AKAP12: variants seen among roughly 807,000 people sequenced by gnomAD.
AKAP12 encodes A-kinase anchor protein 12.
A neutral mutation model predicts 79.9 loss-of-function variants in AKAP12; 32 were observed. That is an observed-to-expected ratio of 0.40 (90% CI 0.30 to 0.54). The LOEUF (loss-of-function observed/expected upper bound fraction) is 0.54, where lower values mean the gene tolerates loss of function less well. Ranked by LOEUF, AKAP12 falls within the 20% of genes least tolerant of loss-of-function variation. The pLI is 0.48. For synonymous variants in AKAP12, 808 were observed against 857.0 expected (o/e 0.94, Z 1.00); for missense variants, 2,074 against 2,177.0 (o/e 0.95, Z 0.94).
At position 151,324,406 on chromosome 6, in the gene AKAP12, T is replaced by C. The variant is rs112122985; in HGVS notation, c.319+18503T>C. On this transcript the variant is annotated intron_variant, in intron 3 of 4. Coordinates refer to ENST00000402676, the MANE Select transcript of AKAP12 (RefSeq NM_005100.4). ...TTGCTCACTCTGGGCCCGAGTGTGG[T>C]GCATCGCGCCCCCTGGTGCCCAAAA... 6 of 985,350 alleles carry C rather than the reference T, an allele frequency of 6.1e-6. No individual in the cohort carries two copies. In the African/African-American group the frequency reaches 8.7e-5, roughly 14 times the overall value. The allele number at this position is 985,350 out of a possible 1,614,324, so 61.0% of individuals were successfully genotyped here.
In AKAP12 at chr6:151,353,161, T is replaced by C; in HGVS notation, c.4770T>C (p.Ala1590=). 1 of 1,614,142 alleles carries C rather than the reference T, an allele frequency of 6.2e-7. No homozygotes were observed. The highest frequency in any genetic ancestry group is 8.5e-7 in the Non-Finnish European group (1 of 1,180,034). Residue 1590 remains alanine, a synonymous_variant, in exon 4 of 5, where the codon GCT becomes GCC. Coordinates refer to ENST00000402676, the MANE Select transcript of AKAP12 (RefSeq NM_005100.4). The part of the protein sequence containing the change: ...AHVIKADSQD[A]GQETEKEGEE... ...TGATAAAAGCTGACAGCCAGGACGC[T>C]GGACAGGAAACGGAGAAAGAAGGAG...
chr6:151,240,555 G>A lies in AKAP12; in HGVS notation c.-8G>A, dbSNP rs1329887013. 8.3e-6 allele frequency: 12 copies of A among 1,442,350 alleles called. No individual in the cohort carries two copies. The Admixed American group carries it at 1.1e-4, about 13-fold the overall frequency. 89.3% of individuals were successfully genotyped at this position (1,442,350 alleles called of 1,614,324 possible). On this transcript the variant is annotated 5_prime_UTR_variant, in exon 2 of 5. Coordinates refer to ENST00000402676, the MANE Select transcript of AKAP12 (RefSeq NM_005100.4). ...GGCGGCTAGGCGCGGGAGAAGTGCG[G>A]AGGAGCCATGGGCGCCGGGAGCTCC...
At chr6:151,323,884 A>G in intron 3 of AKAP12, 2 of 985,384 alleles carry the variant, frequency 2.0e-6, no homozygotes, top group Non-Finnish European at 1.2e-6. Context: ...CTGAGAAATG[A>G]TGCAGAACCA....
At chr6:151,272,461 G>A (rs373106529) in intron 2 of AKAP12, among the ~76,000 whole-genome samples, 2 of 149,738 alleles carry the variant, frequency 1.3e-5, no homozygotes, top group Admixed American at 6.7e-5. Flanking sequence ...TCTGTTTTTC[G>A]TACTCCCTTT....
intron 2 of AKAP12, among the ~76,000 whole-genome samples, chr6:151,266,183 C>T (rs778886626): frequency 2.0e-5 from 3 of 152,212 alleles, no homozygotes; most frequent in South Asian, 2.1e-4. Flanking sequence ...GAAGTGAAGA[C>T]GGACATCTCA....
In AKAP12 at chr6:151,348,889, G is replaced by A. The variant is rs1459217814; in HGVS notation, c.498G>A (p.Gln166=). The A allele has an allele frequency of 4.3e-6, 7 of 1,613,978 alleles. No homozygotes were observed. Among genetic ancestry groups the A allele is most frequent in the African/African-American group, 2.7e-5 (2 of 74,904 alleles). Reference sequence around the variant, plus strand: ...AGCTAACACAACCCACTGAGTCCCAGGCTAATGATATTGGATTTAAGAAGG... The same window carrying A: ...AGCTAACACAACCCACTGAGTCCCAAGCTAATGATATTGGATTTAAGAAGG... ...LEELTQPTES[Q]ANDIGFKKVF... The change falls in exon 4 of 5, where the codon CAG becomes CAA. Residue 166 remains glutamine (Q), a synonymous_variant. Coordinates refer to ENST00000402676, the MANE Select transcript of AKAP12 (RefSeq NM_005100.4).
intron 2 of AKAP12, among the ~76,000 whole-genome samples, chr6:151,257,744 A>G (rs1191521124): frequency 6.6e-6 from 1 of 152,182 alleles, no homozygotes; most frequent in Admixed American, 6.5e-5. Context: ...CAACTTTTAA[A>G]TTTACAGTAT....
chr6:151,335,881 C>G (rs1325626825), intron 3 of AKAP12, among the ~76,000 whole-genome samples: 2 of 152,160 alleles, frequency 1.3e-5, no homozygotes, highest in Non-Finnish European at 2.9e-5. Context: ...GAGTGGTGAA[C>G]ATTGTACTCA....
At chr6:151,274,464 T>A (rs1776253836) in intron 2 of AKAP12, among the ~76,000 whole-genome samples, 1 of 152,068 alleles carries the variant, frequency 6.6e-6, no homozygotes. Flanking sequence ...GGTTTAAAAT[T>A]ATAGATCATG....
intron 3 of AKAP12, among the ~76,000 whole-genome samples, chr6:151,338,361 C>T (rs1777866763): frequency 6.6e-6 from 1 of 151,950 alleles, no homozygotes; most frequent in Non-Finnish European, 1.5e-5. Flanking sequence ...GTCTTTTAGA[C>T]TTTGATATGT....
chr6:151,320,307 A>T (rs769594719), intron 3 of AKAP12, among the ~76,000 whole-genome samples: 1 of 151,346 alleles, frequency 6.6e-6, no homozygotes, highest in South Asian at 2.1e-4. Context: ...TTTTATAGAG[A>T]TGGGATCTTG....
intron 3 of AKAP12, among the ~76,000 whole-genome samples, chr6:151,334,826 T>A (rs924248941): frequency 2.0e-5 from 3 of 151,972 alleles, no homozygotes; most frequent in African/African-American, 7.2e-5. Flanking sequence ...GGTTTCTCCG[T>A]GGTAGCCAGG....
intron 3 of AKAP12, among the ~76,000 whole-genome samples, chr6:151,308,631 T>C (rs1777025926): frequency 6.6e-6 from 1 of 152,162 alleles, no homozygotes; most frequent in Non-Finnish European, 1.5e-5. Context: ...CAGAGGTGTT[T>C]CTGGAGGCCT....
At chr6:151,302,402 C>G (rs1237016108) in intron 2 of AKAP12, among the ~76,000 whole-genome samples, 2 of 152,104 alleles carry the variant, frequency 1.3e-5, no homozygotes, top group Non-Finnish European at 2.9e-5. Context: ...TCAAGCAATC[C>G]TCCTGCCTCA....
chr6:151,314,060 C>T (rs1381350910), intron 3 of AKAP12, among the ~76,000 whole-genome samples: 3 of 150,526 alleles, frequency 2.0e-5, no homozygotes, highest in Non-Finnish European at 4.4e-5. Context: ...ACAGAGTCTC[C>T]GAACTCTCCC....
intron 2 of AKAP12, among the ~76,000 whole-genome samples, chr6:151,267,892 G>T (rs1256302325): frequency 6.6e-6 from 1 of 152,250 alleles, no homozygotes; most frequent in African/African-American, 2.4e-5. Context: ...GACAGACATC[G>T]TTCCTCAGGC....
Position 151,240,412 on chromosome 6 carries a change from T to A in AKAP12, c.-151T>A. ...TTTGCCGCGAGCGCGTCTCCTTCAT[T>A]CGCAGGCTGGGCGCGTTCGCAGTCG... On this transcript the variant is annotated 5_prime_UTR_variant, in exon 2 of 5. Coordinates refer to ENST00000402676, the MANE Select transcript of AKAP12 (RefSeq NM_005100.4). The A allele has an allele frequency of 1.2e-6, 1 of 802,646 alleles. No homozygotes were observed. The highest frequency in any genetic ancestry group is 1.7e-6 in the Non-Finnish European group (1 of 586,050). 49.7% of individuals were successfully genotyped at this position (802,646 alleles called of 1,614,324 possible).
Position 151,351,585 on chromosome 6 carries a change from T to A in AKAP12, c.3194T>A (p.Val1065Glu), listed in dbSNP as rs1214828192. The change falls in exon 4 of 5, where the codon GTG becomes GAG. Residue 1065 changes from valine (V) to glutamate (E), a missense_variant. Coordinates refer to ENST00000402676, the MANE Select transcript of AKAP12 (RefSeq NM_005100.4). The surrounding 1 kb of genome is among the most constrained non-coding windows in gnomAD (Gnocchi z 4.4). Reference protein sequence around the residue: ...QLPGTGGPEDVLQPVQRAEAE... With the variant: ...QLPGTGGPEDELQPVQRAEAE... ...CCTGGCACCGGTGGGCCAGAAGATG[T>A]GCTTCAGCCTGTGCAGAGAGCAGAG... The A allele has an allele frequency of 6.2e-7, 1 of 1,614,092 alleles. No individual in the cohort carries two copies. The highest frequency in any genetic ancestry group is 8.5e-7 in the Non-Finnish European group (1 of 1,180,028).
chr6:151,318,674 G>A (rs1442412407), intron 3 of AKAP12, among the ~76,000 whole-genome samples: 1 of 152,188 alleles, frequency 6.6e-6, no homozygotes, highest in African/African-American at 2.4e-5. Flanking sequence ...AGTGGCTCAT[G>A]CCTGTAATTC....
Sources: allele counts gnomAD v4.1 joint callset (sites outside exome capture counted in the v4.1 genomes callset), GRCh38; gene constraint gnomAD v4.1.1; non-coding constraint Gnocchi (gnomAD v3.1); transcripts MANE v1.5; gene names NCBI Gene and HGNC (gene_info 2026-07-23, HGNC 2026-07-21).